The following CHST15 variants were observed in gnomAD, a reference collection of about 807,000 sequenced individuals.
CHST15 encodes the protein B cell RAG associated protein (GALNAC4S-6ST).
Under a neutral mutation model 53.6 loss-of-function variants are expected in CHST15, and 30 were observed. The observed-to-expected ratio is 0.56, with a 90% CI of 0.42 to 0.76. The LOEUF (loss-of-function observed/expected upper bound fraction) is 0.76, where lower values mean the gene tolerates loss of function less well. Among genes scored for constraint, CHST15 ranks in the 30% least tolerant of loss-of-function variants. The pLI, the probability that CHST15 is intolerant of heterozygous loss-of-function variation, is 0.00. For missense variants in CHST15, 627 were observed against 740.5 expected, an observed-to-expected ratio of 0.85 and a Z score of 1.78; for synonymous variants, 296 against 289.8, an observed-to-expected ratio of 1.02 and a Z score of -0.22.
chr10:124,034,134 C>T (rs1947331337), intron 5 of CHST15, among the ~76,000 whole-genome samples: 1 of 152,178 alleles, frequency 6.6e-6, no homozygotes, highest in Non-Finnish European at 1.5e-5. Flanking sequence ...CACCAGGGCA[C>T]GTATGCTCAG....
chr10:124,026,410 C>G (rs911037795), intron 5 of CHST15, among the ~76,000 whole-genome samples: 1 of 152,164 alleles, frequency 6.6e-6, no homozygotes, highest in Non-Finnish European at 1.5e-5. Context: ...TAGGTTAAAG[C>G]CACTCAGAAA....
intron 1 of CHST15, among the ~76,000 whole-genome samples, chr10:124,051,498 C>G (rs1226779067): frequency 6.6e-6 from 1 of 152,202 alleles, no homozygotes; most frequent in African/African-American, 2.4e-5. Context: ...TGTATGCCCC[C>G]TGCACTTCAC....
At chr10:124,018,792 A>G (rs1946670369) in intron 6 of CHST15, among the ~76,000 whole-genome samples, 1 of 152,156 alleles carries the variant, frequency 6.6e-6, no homozygotes, top group South Asian at 2.1e-4. Context: ...TGTCTCCCAG[A>G]GAGAGGGAAG....
intron 1 of CHST15, among the ~76,000 whole-genome samples, chr10:124,073,327 A>C (rs1948978341): frequency 6.6e-6 from 1 of 152,172 alleles, no homozygotes; most frequent in Non-Finnish European, 1.5e-5. Flanking sequence ...GGAGAACCAC[A>C]CAGGATTCCA....
intron 2 of CHST15, among the ~76,000 whole-genome samples, chr10:124,045,130 A>AAC (rs1947936774): frequency 6.7e-6 from 1 of 148,900 alleles, no homozygotes; most frequent in Non-Finnish European, 1.5e-5. Context: ...AAAAAAAAAA[A>AAC]AAAAAAAAAA....
At chr10:124,049,368 T>C (rs1948111851) in intron 1 of CHST15, among the ~76,000 whole-genome samples, 1 of 152,236 alleles carries the variant, frequency 6.6e-6, no homozygotes, top group Non-Finnish European at 1.5e-5. Flanking sequence ...TACCTGAGTG[T>C]ATCCTGATGC....
At chr10:124,021,065 G>A (rs1397870504) in intron 6 of CHST15, 191 bp downstream of exon 6, 1 of 1,453,982 alleles carries the variant, frequency 6.9e-7, no homozygotes, top group East Asian at 2.5e-5. Context: ...GAAGGCAGGA[G>A]CCAGACCAAG....
intron 1 of CHST15, among the ~76,000 whole-genome samples, chr10:124,078,034 T>C (rs1949129669): frequency 6.6e-6 from 1 of 152,242 alleles, no homozygotes; most frequent in South Asian, 2.1e-4. Flanking sequence ...TTCATTTGGA[T>C]GTTGCTTGGG....
In CHST15 at chr10:124,021,278, T is replaced by G. The variant is rs1325972148; in HGVS notation, c.1325A>C (p.Asn442Thr). ...CACAGGCATGGCGTTGTTGAGGGTGTTGTTGTAGACGCAGGCGCGCAGTGA... is the reference window on the plus strand; with the variant it reads ...CACAGGCATGGCGTTGTTGAGGGTGGTGTTGTAGACGCAGGCGCGCAGTGA... ...DYSLRACVYN[N>T]TLNNAMPVRL... Residue 442 changes from asparagine to threonine, a missense_variant, in exon 6 of 8, where the codon AAC (asparagine) becomes ACC (threonine). Asn to Thr is a moderately conservative substitution (Grantham distance 65). Around this residue, in one of 3 missense-constraint regions of CHST15, gnomAD observed 279 missense variants for 371.6 expected, o/e 0.75. Transcript: ENST00000435907. The G allele has an allele frequency of 2.5e-6, 4 of 1,605,738 alleles. No homozygotes were observed. The highest frequency in any genetic ancestry group is 2.2e-5 in the South Asian group (2 of 90,746).
chr10:124,030,922 CT>C (rs566135701), intron 5 of CHST15, among the ~76,000 whole-genome samples: 278 of 152,378 alleles, frequency 1.8e-3, no homozygotes, highest in Non-Finnish European at 3.4e-3. Flanking sequence ...ATCCTGCTCC[CT>C]CTGATGTGGA....
At chr10:124,027,483 T>TGCTGTTCTGAGCCAGCGA (rs1424665522) in intron 5 of CHST15, among the ~76,000 whole-genome samples, 1 of 152,214 alleles carries the variant, frequency 6.6e-6, no homozygotes, top group African/African-American at 2.4e-5. Flanking sequence ...ACTTACAGCG[T>TGCTGTTCTGAGCCAGCGA]GCTGTTCTGA....
chr10:124,079,421 C>T (rs1488128684), intron 1 of CHST15, among the ~76,000 whole-genome samples: 1 of 152,208 alleles, frequency 6.6e-6, no homozygotes, highest in East Asian at 1.9e-4. Context: ...ACAAGAAAGC[C>T]TGGCATTAAC....
intron 1 of CHST15, among the ~76,000 whole-genome samples, chr10:124,089,193 T>A (rs539435113): frequency 7.4e-4 from 113 of 152,298 alleles, no homozygotes; most frequent in South Asian, 5.0e-3. Flanking sequence ...GGAGGCTGCG[T>A]GATTCTCACC....
rs1947908555 is a variant in CHST15, at chr10:124,044,931, CAG to C, written c.547-14_547-13del. ...ATGACTGAAAACATCTGCAAGGAAA[CAG>C]AGGAGGAGAGACACAGAGGAGGGGA... is the stretch of plus-strand genomic sequence containing the variant. On this transcript the variant is annotated splice_polypyrimidine_tract_variant and intron_variant, in intron 2 of 7. Transcript: ENST00000435907. 1 of 1,432,990 alleles carries C rather than the reference CAG, an allele frequency of 7.0e-7. No homozygotes were observed. The highest frequency in any genetic ancestry group is 9.2e-7 in the Non-Finnish European group (1 of 1,088,430). The allele number at this position is 1,432,990 out of a possible 1,614,324, so 88.8% of individuals were successfully genotyped here.
intron 1 of CHST15, among the ~76,000 whole-genome samples, chr10:124,079,356 G>A (rs1160260466): frequency 3.3e-5 from 5 of 152,222 alleles, no homozygotes; most frequent in African/African-American, 7.2e-5. Context: ...GACACAATCC[G>A]TTGAGGCCCT....
At position 124,007,765 on chromosome 10, in the gene CHST15, T is replaced by C. The variant is rs1946310003; in HGVS notation, c.*2384A>G. The stretch of plus-strand genomic sequence containing the variant: ...TAATAAAAGTACAGCGTAACTGCGA[T>C]TCACTTAACATACCTTACAGGACTA... On this transcript the variant is annotated 3_prime_UTR_variant, in exon 8 of 8. Transcript: ENST00000435907. 1.6e-6 allele frequency: 2 copies of C among 1,231,346 alleles called. No individual in the cohort carries two copies. Among genetic ancestry groups the C allele is most frequent in the Non-Finnish European group, 2.0e-6 (2 of 987,864 alleles). The allele number at this position is 1,231,346 out of a possible 1,614,324, so 76.3% of individuals were successfully genotyped here. A position where few individuals can be genotyped will look rare whatever the true frequency, so the allele number is the denominator to read the frequency against.
chr10:124,073,330 G>C (rs4929818), intron 1 of CHST15, among the ~76,000 whole-genome samples: 97,513 of 151,940 alleles, frequency 0.64, 31,404 homozygotes, highest in South Asian at 0.76. Flanking sequence ...GAACCACACA[G>C]GATTCCAGTT....
intron 4 of CHST15, among the ~76,000 whole-genome samples, chr10:124,039,205 C>T (rs56673922): frequency 0.021 from 3,140 of 152,310 alleles, 115 homozygotes; most frequent in African/African-American, 0.071. Flanking sequence ...ATGGAGTTCT[C>T]TCTGAACTGG....
chr10:124,030,303 G>C (rs189551268), intron 5 of CHST15, among the ~76,000 whole-genome samples: 10 of 152,242 alleles, frequency 6.6e-5, no homozygotes, highest in African/African-American at 2.4e-4. Flanking sequence ...AAGTGACCTC[G>C]TGCCGCTTCC....
Sources: gnomAD v4.1 joint callset for allele counts (sites outside exome capture counted in the v4.1 genomes callset) on GRCh38, gnomAD v4.1.1 for gene constraint, gnomAD v4.1.1 regional missense constraint, MANE v1.5 for transcripts, NCBI Gene and HGNC (gene_info 2026-07-23, HGNC 2026-07-21) for gene names.